CDH13: variants seen among roughly 807,000 people sequenced by gnomAD.
CDH13 encodes the protein cadherin 13, also known as cadherin-13.
In CDH13, 24 loss-of-function variants were observed where a neutral mutation model predicts 63.8. That is an observed-to-expected ratio of 0.38 (90% confidence interval 0.27 to 0.53). CDH13 has a LOEUF of 0.53. CDH13 is among the 20% of genes least tolerant of loss of function. CDH13 has a pLI of 0.85. For missense variants in CDH13, 1,049 were observed against 903.1 expected (o/e 1.16, Z -2.07); for synonymous variants, 503 against 355.3 (o/e 1.42, Z -4.67).
chr16:82,673,081 A>G (rs539356421), intron 1 of CDH13, among the ~76,000 whole-genome samples: 3 of 136,504 alleles, frequency 2.2e-5, no homozygotes, highest in East Asian at 2.1e-4. Flanking sequence ...GGCTCAAGCA[A>G]TCTTTCCACC....
At chr16:83,330,181 A>C (rs1422998357) in intron 5 of CDH13, among the ~76,000 whole-genome samples, 1 of 152,208 alleles carries the variant, frequency 6.6e-6, no homozygotes, top group Non-Finnish European at 1.5e-5. Flanking sequence ...ATGTATAACT[A>C]AATAGACACA....
At chr16:82,948,353 G>A (rs180930493) in intron 2 of CDH13, among the ~76,000 whole-genome samples, 4 of 152,076 alleles carry the variant, frequency 2.6e-5, no homozygotes, top group Admixed American at 6.5e-5. Flanking sequence ...AAATATTAGG[G>A]GAAGATTTTC....
chr16:83,471,420 G>A (rs2073449958), intron 6 of CDH13, among the ~76,000 whole-genome samples: 1 of 151,952 alleles, frequency 6.6e-6, no homozygotes, highest in Admixed American at 6.6e-5. Context: ...GACTACAGGT[G>A]GCTGCCACAG....
intron 4 of CDH13, among the ~76,000 whole-genome samples, chr16:83,182,655 A>G (rs1390484406): frequency 1.3e-5 from 2 of 152,234 alleles, no homozygotes; most frequent in Non-Finnish European, 2.9e-5. Context: ...GATCACTAAC[A>G]TTTGTATAGT....
At chr16:83,445,308 G>GCTTTTATAATTTATAAAATA (rs2072653282) in intron 6 of CDH13, among the ~76,000 whole-genome samples, 1 of 104,434 alleles carries the variant, frequency 9.6e-6, no homozygotes, top group African/African-American at 2.8e-5. Flanking sequence ...ATTATAAAAG[G>GCTTTTATAATTTATAAAATA]TTTGCATCAT....
At chr16:83,548,645 G>A (rs1432453961) in intron 7 of CDH13, among the ~76,000 whole-genome samples, 5 of 152,154 alleles carry the variant, frequency 3.3e-5, no homozygotes, top group African/African-American at 1.2e-4. Flanking sequence ...CAGAAGATGG[G>A]TTCCTGAGGC....
At chr16:83,597,278 G>T (rs1907356911) in intron 7 of CDH13, among the ~76,000 whole-genome samples, 1 of 152,148 alleles carries the variant, frequency 6.6e-6, no homozygotes. Context: ...TGTTCATCCA[G>T]TAGGGATTGA....
intron 6 of CDH13, among the ~76,000 whole-genome samples, chr16:83,450,077 G>A (rs930775742): frequency 1.3e-5 from 2 of 152,150 alleles, no homozygotes; most frequent in African/African-American, 4.8e-5. Flanking sequence ...TCCCAACTCT[G>A]ACCCAGCACG....
chr16:83,755,750 C>CAAA (rs11440971), intron 11 of CDH13, among the ~76,000 whole-genome samples: 1 of 128,246 alleles, frequency 7.8e-6, no homozygotes, highest in South Asian at 2.4e-4. Context: ...ACTTTTGGGG[C>CAAA]AAAAAAAAAA....
At chr16:82,973,589 A>G (rs959993357) in intron 2 of CDH13, among the ~76,000 whole-genome samples, 1 of 152,202 alleles carries the variant, frequency 6.6e-6, no homozygotes, top group Non-Finnish European at 1.5e-5. Context: ...ACAAACCAAC[A>G]CAAGACAGTG....
chr16:83,604,755 C>A (rs181672570), intron 8 of CDH13, among the ~76,000 whole-genome samples: 3 of 152,072 alleles, frequency 2.0e-5, no homozygotes, highest in Non-Finnish European at 4.4e-5. Context: ...ATAAACTTAA[C>A]GATGGGAACA....
chr16:82,988,532 C>T (rs866202679), intron 2 of CDH13, among the ~76,000 whole-genome samples: 8 of 151,968 alleles, frequency 5.3e-5, no homozygotes, highest in Non-Finnish European at 8.8e-5. Context: ...GAGGCTGAGG[C>T]GGGCAGATCA....
intron 6 of CDH13, among the ~76,000 whole-genome samples, chr16:83,346,950 G>A (rs1409250794): frequency 1.3e-5 from 2 of 152,154 alleles, no homozygotes; most frequent in Non-Finnish European, 2.9e-5. Context: ...AGACTCAGGT[G>A]TCTGTATGGA....
intron 6 of CDH13, among the ~76,000 whole-genome samples, chr16:83,409,598 C>A (rs768981796): frequency 6.6e-6 from 1 of 152,226 alleles, no homozygotes. Context: ...GTTGAGTAAT[C>A]TACCCATTGT....
At chr16:83,163,969 C>T (rs1225588348) in intron 4 of CDH13, among the ~76,000 whole-genome samples, 3 of 152,048 alleles carry the variant, frequency 2.0e-5, no homozygotes, top group Non-Finnish European at 4.4e-5. Context: ...TTACCGTGTG[C>T]TGAACATTAG....
intron 5 of CDH13, among the ~76,000 whole-genome samples, chr16:83,245,723 T>G (rs925609983): frequency 2.0e-5 from 3 of 152,172 alleles, no homozygotes; most frequent in Admixed American, 2.0e-4. Flanking sequence ...TTAGTCAATT[T>G]TTTTCCTTTT....
chr16:82,632,866 AT>A (rs1908186607), intron 1 of CDH13, among the ~76,000 whole-genome samples: 1 of 152,164 alleles, frequency 6.6e-6, no homozygotes, highest in Non-Finnish European at 1.5e-5. Flanking sequence ...AGATGGTCCC[AT>A]CTGGGGGTGA....
At chr16:83,240,717 CTT>C (rs56753707) in intron 5 of CDH13, among the ~76,000 whole-genome samples, 1,117 of 81,652 alleles carry the variant, frequency 0.014, 149 homozygotes, top group African/African-American at 0.052. Flanking sequence ...CTGTCTTAAT[CTT>C]TTTTTTTTTT....
At chr16:83,516,555 T>C (rs1021245693) in intron 7 of CDH13, among the ~76,000 whole-genome samples, 1 of 152,138 alleles carries the variant, frequency 6.6e-6, no homozygotes, top group Non-Finnish European at 1.5e-5. Context: ...AAAGGAGAGG[T>C]GTCTTCTCTT....
Sources: gnomAD v4.1 joint callset for allele counts (sites outside exome capture counted in the v4.1 genomes callset) on GRCh38, gnomAD v4.1.1 for gene constraint, MANE v1.5 for transcripts, NCBI Gene and HGNC (gene_info 2026-07-23, HGNC 2026-07-21) for gene names.